The following CMIP variants were observed in gnomAD, a reference collection of about 807,000 sequenced individuals.
The protein encoded by CMIP is c-Maf inducing protein.
CMIP carries 13 observed loss-of-function variants against 97.3 expected under a neutral mutation model. The observed-to-expected ratio is 0.13, with a 90% CI of 0.09 to 0.21. The LOEUF (loss-of-function observed/expected upper bound fraction) is 0.21. Among genes scored for constraint, CMIP ranks in the 10% least tolerant of loss-of-function variants. The probability of loss-of-function intolerance (pLI) is 1.00; values close to 1 mark genes in which losing one functional copy is unlikely to be tolerated. For synonymous variants in CMIP, 538 were observed against 436.3 expected, an observed-to-expected ratio of 1.23 and a Z score of -2.91; for missense variants, 847 against 1,024.9, an observed-to-expected ratio of 0.83 and a Z score of 2.37.
At position 81,700,568 on chromosome 16, in the gene CMIP, C is replaced by G. The variant is rs150590439; in HGVS notation, c.1755+767C>G. ...TGGCAGTGAGTCACCGCGGCCGGCC[C>G]TCAGTCAAAGCCGTGGGAGCTAGAC... On this transcript the variant is annotated intron_variant, in intron 15 of 20. Coordinates refer to ENST00000537098, the MANE Select transcript of CMIP (RefSeq NM_198390.3). The G allele has an allele frequency of 4.1e-3, 627 of 152,582 alleles. 2 individuals carry two copies. The highest frequency in any genetic ancestry group is 6.3e-3 in the Non-Finnish European group (433 of 68,206). The allele number at this position is 152,582 out of a possible 1,614,324, so 9.5% of individuals were successfully genotyped here.
At chr16:81,676,822 G>T (rs1904327832) in intron 9 of CMIP, among the ~76,000 whole-genome samples, 1 of 150,066 alleles carries the variant, frequency 6.7e-6, no homozygotes, top group Non-Finnish European at 1.5e-5. Context: ...CCTTCCCCCA[G>T]CTGCAACAAT....
chr16:81,593,690 T>G (rs2049000658), intron 1 of CMIP, among the ~76,000 whole-genome samples: 1 of 152,178 alleles, frequency 6.6e-6, no homozygotes, highest in South Asian at 2.1e-4. Flanking sequence ...TTGAGCTCAT[T>G]GGCCGCTGGC....
intron 3 of CMIP, among the ~76,000 whole-genome samples, chr16:81,629,182 C>T (rs866795709): frequency 2.1e-5 from 3 of 141,956 alleles, no homozygotes; most frequent in East Asian, 2.1e-4. Context: ...TGTGAATTGA[C>T]GTCTGACTAG....
chr16:81,637,144 C>G (rs557615794), intron 3 of CMIP, among the ~76,000 whole-genome samples: 6 of 152,302 alleles, frequency 3.9e-5, no homozygotes, highest in East Asian at 1.9e-4. Context: ...AATCTTGGCT[C>G]ACTGCAACCT....
chr16:81,497,689 T>C (rs907581737), intron 1 of CMIP, among the ~76,000 whole-genome samples: 2 of 152,186 alleles, frequency 1.3e-5, no homozygotes, highest in African/African-American at 4.8e-5. Context: ...AGGACTCGCA[T>C]AGAGTGCAGA....
chr16:81,617,729 G>C (rs984594513), intron 2 of CMIP, among the ~76,000 whole-genome samples: 13 of 152,214 alleles, frequency 8.5e-5, no homozygotes, highest in African/African-American at 3.1e-4. Flanking sequence ...TGCTCACCTA[G>C]CTGTGGAATC....
At chr16:81,688,282 A>T (rs1905646880) in intron 10 of CMIP, among the ~76,000 whole-genome samples, 1 of 152,196 alleles carries the variant, frequency 6.6e-6, no homozygotes, top group Admixed American at 6.5e-5. Flanking sequence ...GAAAGGGTTA[A>T]GTGAAGTCAG....
intron 10 of CMIP, among the ~76,000 whole-genome samples, chr16:81,683,792 C>G (rs1178997404): frequency 8.0e-6 from 1 of 125,534 alleles, no homozygotes; most frequent in African/African-American, 3.1e-5. Context: ...GATGGAGTCA[C>G]GCTCTCTCAC....
At position 81,671,996 on chromosome 16, in the gene CMIP, C is replaced by T. The variant is rs755861272; in HGVS notation, c.960C>T (p.His320=). ...SMHGPTGHCP[H]PRVLPNLVAV... The stretch of plus-strand genomic sequence containing the variant: ...ACGGCCCCACAGGGCACTGCCCCCA[C>T]CCCCGGGTCCTGCCCAACCTGGTGG... Residue 320 remains histidine (H), a synonymous_variant, in exon 9 of 21, where the codon CAC becomes CAT. Coordinates refer to ENST00000537098, the MANE Select transcript of CMIP (RefSeq NM_198390.3). 5.6e-6 allele frequency: 9 copies of T among 1,599,750 alleles called. No homozygotes were observed. The South Asian group carries it at 6.8e-5, about 12-fold the overall frequency.
intron 1 of CMIP, among the ~76,000 whole-genome samples, chr16:81,541,453 C>T (rs532514963): frequency 1.3e-5 from 2 of 152,280 alleles, no homozygotes; most frequent in East Asian, 3.9e-4. Context: ...CCACTCCAGC[C>T]CCTGATCGGT....
chr16:81,481,606 C>T (rs1406603769), intron 1 of CMIP, among the ~76,000 whole-genome samples: 2 of 152,170 alleles, frequency 1.3e-5, no homozygotes, highest in Non-Finnish European at 2.9e-5. Context: ...GGGATGGGTA[C>T]ACTAGTTTCC....
rs773226557 is a variant in CMIP, at chr16:81,621,197, G to C, written c.477+271G>C. 1 of 356,256 alleles carries C rather than the reference G, an allele frequency of 2.8e-6. No homozygotes were observed. Among genetic ancestry groups the C allele is most frequent in the East Asian group, 5.4e-5 (1 of 18,646 alleles). 22.1% of individuals were successfully genotyped at this position (356,256 alleles called of 1,614,324 possible). A position where few individuals can be genotyped will look rare whatever the true frequency, so the allele number is the denominator to read the frequency against. On this transcript the variant is annotated intron_variant, in intron 3 of 20. Transcript: ENST00000537098. The surrounding 1 kb of genome is among the most constrained non-coding windows in gnomAD (Gnocchi z 4.1). ...CTTCAAAAGGATCATAGAACTGCTT[G>C]CTCTCAGAGTGAGGGCGACCCTGAG...
chr16:81,448,748 G>A (rs548899633), intron 1 of CMIP, among the ~76,000 whole-genome samples: 1 of 152,394 alleles, frequency 6.6e-6, no homozygotes, highest in South Asian at 2.1e-4. Flanking sequence ...GGAGGAAGCA[G>A]ATAGGCGACA....
At chr16:81,474,878 T>G (rs1907799799) in intron 1 of CMIP, among the ~76,000 whole-genome samples, 1 of 151,698 alleles carries the variant, frequency 6.6e-6, no homozygotes, top group South Asian at 2.1e-4. Context: ...GGGGAGGGAG[T>G]CGACCAGTGC....
chr16:81,471,530 T>C (rs1415599661), intron 1 of CMIP, among the ~76,000 whole-genome samples: 2 of 149,376 alleles, frequency 1.3e-5, no homozygotes, highest in East Asian at 2.0e-4. Context: ...GTAATACACA[T>C]ACCAGTGTAC....
At chr16:81,620,570 C>G (rs76091520) in intron 2 of CMIP, 2 of 315,524 alleles carry the variant, frequency 6.3e-6, no homozygotes, top group African/African-American at 2.1e-5. Context: ...TCCCATGCCC[C>G]TAAGTCCAGC....
chr16:81,651,430 G>A, intron 3 of CMIP: 1 of 972,210 alleles, frequency 1.0e-6, no homozygotes, highest in Non-Finnish European at 1.2e-6. Context: ...AAGCAAAGGT[G>A]AGAGCACTCT....
chr16:81,446,651 G>C (rs549331482), intron 1 of CMIP, among the ~76,000 whole-genome samples: 1 of 152,120 alleles, frequency 6.6e-6, no homozygotes, highest in African/African-American at 2.4e-5. Flanking sequence ...TCCACTGCCT[G>C]CCCACACCTG....
intron 1 of CMIP, among the ~76,000 whole-genome samples, chr16:81,571,984 G>T (rs2091098966): frequency 6.6e-6 from 1 of 152,202 alleles, no homozygotes; most frequent in African/African-American, 2.4e-5. Context: ...GGGTGTCTCG[G>T]AAGAGTTGCA....
Sources: allele counts gnomAD v4.1 joint callset (sites outside exome capture counted in the v4.1 genomes callset), GRCh38; gene constraint gnomAD v4.1.1; non-coding constraint Gnocchi (gnomAD v3.1); transcripts MANE v1.5; gene names NCBI Gene and HGNC (gene_info 2026-07-23, HGNC 2026-07-21).